RTTN: variants seen among roughly 807,000 people sequenced by gnomAD.
RTTN encodes rotatin.
In RTTN, 182 loss-of-function variants were observed where a neutral mutation model predicts 269.2. That is an observed-to-expected ratio of 0.68 (90% CI 0.60 to 0.76). RTTN has a LOEUF of 0.76. Ranked by LOEUF, RTTN falls within the 30% of genes least tolerant of loss-of-function variation. The pLI, the probability that RTTN is intolerant of heterozygous loss-of-function variation, is 0.00. For missense variants in RTTN, 2,545 were observed against 2,608.6 expected, an observed-to-expected ratio of 0.98 and a Z score of 0.53; for synonymous variants, 1,006 against 963.5, an observed-to-expected ratio of 1.04 and a Z score of -0.82.
At chr18:70,180,471 A>G (rs1484112382) in intron 10 of RTTN, among the ~76,000 whole-genome samples, 1 of 152,170 alleles carries the variant, frequency 6.6e-6, no homozygotes, top group Non-Finnish European at 1.5e-5. Context: ...AATCCCAGCT[A>G]CTTGGGAGGC....
intron 35 of RTTN, among the ~76,000 whole-genome samples, chr18:70,062,762 C>A (rs910620178): frequency 1.3e-4 from 20 of 152,034 alleles, no homozygotes; most frequent in Non-Finnish European, 1.5e-5. Flanking sequence ...CAGGTGTGTG[C>A]CACCATGCCT....
intron 17 of RTTN, 55 bp downstream of exon 17, chr18:70,148,846 T>C: frequency 1.2e-6 from 2 of 1,600,412 alleles, no homozygotes; most frequent in Admixed American, 1.7e-5. Flanking sequence ...GTTACTATAC[T>C]TTCTTAGCAT....
At position 70,201,607 on chromosome 18, in the gene RTTN, C is replaced by CAAAAAAA. The variant is rs34966295; in HGVS notation, c.487+280_487+286dup. Among the ~76,000 whole-genome samples the CAAAAAAA allele has an allele frequency of 1.5e-4, 6 of 41,004 alleles. 1 individual carries two copies. Among genetic ancestry groups the CAAAAAAA allele is most frequent in the Admixed American group, 4.7e-4 (1 of 2,116 alleles). The allele number at this position is 41,004 out of a possible 152,430, so 26.9% of individuals were successfully genotyped here. ...TGGGCGACAGAGCGAGACTCCATCTCAAAAAAAAAAAAAAAAAAAAAAAAA... is the reference window on the plus strand; with the variant it reads ...TGGGCGACAGAGCGAGACTCCATCTCAAAAAAAAAAAAAAAAAAAAAAAAAAAAAAAA... On this transcript the variant is annotated intron_variant, in intron 4 of 48. Coordinates refer to ENST00000640769, the MANE Select transcript of RTTN (RefSeq NM_173630.4).
chr18:70,184,703 G>GTTTTTTTTT (rs374636456), intron 10 of RTTN, among the ~76,000 whole-genome samples: 464 of 26,328 alleles, frequency 0.018, 151 homozygotes, highest in South Asian at 0.087. Flanking sequence ...ACCACAGCAG[G>GTTTTTTTTT]TTTTTTTTTT....
Position 70,170,163 on chromosome 18 carries a change from C to T in RTTN, c.1477-1096G>A, listed in dbSNP as rs181641336. Among the ~76,000 whole-genome samples the T allele has an allele frequency of 1.3e-3, 203 of 152,170 alleles. 2 individuals are homozygous for T. The highest frequency in any genetic ancestry group is 2.2e-3 in the Non-Finnish European group (152 of 67,994). ...GGGCGGGGGAGGAAAAAGAGAAACT[C>T]AATTATCTGCTCACCTATTATTCAC... On this transcript the variant is annotated intron_variant, in intron 11 of 48. Coordinates refer to ENST00000640769, the MANE Select transcript of RTTN (RefSeq NM_173630.4).
At chr18:70,061,067 A>G (rs1172505158) in intron 35 of RTTN, among the ~76,000 whole-genome samples, 2 of 152,102 alleles carry the variant, frequency 1.3e-5, no homozygotes, top group East Asian at 1.9e-4. Flanking sequence ...ATGGGAGTGC[A>G]GCTATCTCGT....
intron 10 of RTTN, among the ~76,000 whole-genome samples, 162 bp from the exon 11 acceptor site, chr18:70,177,007 A>T (rs530445522): frequency 6.6e-6 from 1 of 152,370 alleles, no homozygotes; most frequent in Admixed American, 6.5e-5. Flanking sequence ...GCCTGCTGAC[A>T]TAATTTAAAA....
intron 17 of RTTN, among the ~76,000 whole-genome samples, chr18:70,147,967 C>T (rs1380876717): frequency 6.6e-6 from 1 of 152,106 alleles, no homozygotes; most frequent in African/African-American, 2.4e-5. Context: ...ACTCCCTCTG[C>T]CCTACTTCTT....
intron 26 of RTTN, 71 bp downstream of exon 26, chr18:70,121,485 T>C: frequency 7.9e-7 from 1 of 1,258,694 alleles, no homozygotes; most frequent in Non-Finnish European, 1.1e-6. Context: ...TTTTCCATAA[T>C]ATAATGTTAA....
chr18:70,150,744 A>G lies in RTTN; in HGVS notation c.1930-11T>C. 1.3e-6 allele frequency: 2 copies of G among 1,554,600 alleles called. No individual in the cohort carries two copies. Among genetic ancestry groups the G allele is most frequent in the South Asian group, 1.2e-5 (1 of 82,738 alleles). ...GACACCTAAACATTCCTGTAAAATA[A>G]TATTAAAAAGTATTTTTAAATTAGC... is the stretch of plus-strand genomic sequence containing the variant. On this transcript the variant is annotated splice_polypyrimidine_tract_variant and intron_variant, in intron 14 of 48. Transcript: ENST00000640769.
Position 70,139,864 on chromosome 18 carries a change from T to C in RTTN, c.2671-148A>G. 4.7e-6 allele frequency: 3 copies of C among 637,900 alleles called. No individual in the cohort carries two copies. The Admixed American group carries it at 9.2e-5, about 20-fold the overall frequency. The allele number at this position is 637,900 out of a possible 1,614,324, so 39.5% of individuals were successfully genotyped here. On this transcript the variant is annotated intron_variant, in intron 20 of 48. Coordinates refer to ENST00000640769, the MANE Select transcript of RTTN (RefSeq NM_173630.4). Reference sequence around the variant, plus strand: ...TGTAAATAAATACTAGGAATTACTTTCCACTGAAAGTAAGTTTCGTATATA... The same window carrying C: ...TGTAAATAAATACTAGGAATTACTTCCCACTGAAAGTAAGTTTCGTATATA...
At chr18:70,045,169 T>C (rs1006280454) in intron 40 of RTTN, among the ~76,000 whole-genome samples, 1 of 152,218 alleles carries the variant, frequency 6.6e-6, no homozygotes, top group South Asian at 2.1e-4. Flanking sequence ...GTATCCCCTA[T>C]GGGATACTGC....
intron 27 of RTTN, among the ~76,000 whole-genome samples, chr18:70,112,165 T>G (rs1401924585): frequency 6.6e-6 from 1 of 151,782 alleles, no homozygotes; most frequent in East Asian, 1.9e-4. Context: ...GCACTAAATA[T>G]GGAAAGGAAA....
At chr18:70,058,863 A>G (rs2057895876) in intron 36 of RTTN, among the ~76,000 whole-genome samples, 1 of 152,252 alleles carries the variant, frequency 6.6e-6, no homozygotes, top group African/African-American at 2.4e-5. Flanking sequence ...ATACATGTTA[A>G]AGGAATAATT....
At chr18:70,092,425 A>G (rs191538596) in intron 29 of RTTN, among the ~76,000 whole-genome samples, 176 of 152,286 alleles carry the variant, frequency 1.2e-3, no homozygotes, top group African/African-American at 4.0e-3. Flanking sequence ...GACAGAAGCT[A>G]TTTTTCCCAT....
intron 32 of RTTN, among the ~76,000 whole-genome samples, chr18:70,077,459 C>T (rs539162552): frequency 2.0e-5 from 3 of 151,998 alleles, no homozygotes; most frequent in South Asian, 4.1e-4. Flanking sequence ...GATGGCCATA[C>T]CAACTGTTAG....
At chr18:70,031,414 TA>T (rs1286275029) in intron 40 of RTTN, 18 of 398,284 alleles carry the variant, frequency 4.5e-5, no homozygotes, top group Non-Finnish European at 7.1e-5. Flanking sequence ...AAACTACCCC[TA>T]TATCTCAGGT....
At chr18:70,109,901 A>C (rs980156862) in intron 27 of RTTN, among the ~76,000 whole-genome samples, 184 bp from the exon 28 acceptor site, 1 of 152,124 alleles carries the variant, frequency 6.6e-6, no homozygotes, top group Admixed American at 6.5e-5. Context: ...TACCAACTAG[A>C]GAATGTCATA....
Position 70,109,543 on chromosome 18 carries a change from T to C in RTTN, c.3858A>G (p.Thr1286=). ...FPGWSSHSPL[T]KPLDICVKYL... ...ACTTCACACAGATATCTAGAGGCTT[T>C]GTGAGAGGAGAGTGTGAGCTCCATC... Residue 1286 remains threonine, a synonymous_variant, in exon 28 of 49, where the codon ACA becomes ACG. Transcript: ENST00000640769. The C allele has an allele frequency of 6.2e-7, 1 of 1,614,188 alleles. No individual in the cohort carries two copies. Among genetic ancestry groups the C allele is most frequent in the Non-Finnish European group, 8.5e-7 (1 of 1,180,040 alleles).
Sources: gnomAD v4.1 joint callset for allele counts (sites outside exome capture counted in the v4.1 genomes callset) on GRCh38, gnomAD v4.1.1 for gene constraint, MANE v1.5 for transcripts, NCBI Gene and HGNC (gene_info 2026-07-23, HGNC 2026-07-21) for gene names.